The following PACSIN2 variants were observed in gnomAD, a reference collection of about 807,000 sequenced individuals.
PACSIN2 encodes the protein protein kinase C and casein kinase substrate in neurons protein 2.
PACSIN2 carries 25 observed loss-of-function variants against 63.8 expected under a neutral mutation model. The ratio of observed to expected loss-of-function variants is 0.39; its 90% CI spans 0.29 to 0.55. PACSIN2 has a LOEUF of 0.55. Ranked by LOEUF, PACSIN2 falls within the 20% of genes least tolerant of loss-of-function variation. The pLI is 0.62. For missense variants in PACSIN2, 518 were observed against 646.9 expected (o/e 0.80, Z 2.16); for synonymous variants, 255 against 256.2 (o/e 1.00, Z 0.05).
chr22:42,944,612 C>T (rs988417225), intron 1 of PACSIN2, among the ~76,000 whole-genome samples: 3 of 152,212 alleles, frequency 2.0e-5, no homozygotes, highest in South Asian at 2.1e-4. Context: ...ATGTTCATCA[C>T]TGCAATATTT....
chr22:42,922,064 C>A (rs1164990651), intron 1 of PACSIN2, among the ~76,000 whole-genome samples: 2 of 152,230 alleles, frequency 1.3e-5, no homozygotes, highest in Non-Finnish European at 2.9e-5. Flanking sequence ...TCTCAGGAAT[C>A]TGGGAATCCG....
chr22:42,876,955 T>G lies in PACSIN2; in HGVS notation c.1084A>C (p.Asn362His). 1 of 1,614,164 alleles carries G rather than the reference T, an allele frequency of 6.2e-7. No homozygotes were observed. The highest frequency in any genetic ancestry group is 8.5e-7 in the Non-Finnish European group (1 of 1,180,022). Residue 362 changes from asparagine (N) to histidine (H), a missense_variant, in exon 9 of 11, where the codon AAC becomes CAC. Around this residue, in one of 2 missense-constraint regions of PACSIN2, gnomAD observed 507 missense variants for 612.3 expected, o/e 0.83. Coordinates refer to ENST00000263246, the MANE Select transcript of PACSIN2 (RefSeq NM_001184970.3). ...AQSAQSQSSY[N>H]PFEDEDDTGS... is the part of the protein sequence containing the mutation. ...GTGTCGTCCTCATCCTCGAAGGGGT[T>G]GTAGCTGGACTGTGACTGCGCAGAC...
intron 7 of PACSIN2, among the ~76,000 whole-genome samples, chr22:42,880,303 A>G (rs1928974035): frequency 6.6e-6 from 1 of 152,236 alleles, no homozygotes; most frequent in Non-Finnish European, 1.5e-5. Context: ...CCGACCCCAA[A>G]TCTGGGTCAC....
At chr22:42,914,117 T>G (rs2146726754) in intron 1 of PACSIN2, among the ~76,000 whole-genome samples, 1 of 152,312 alleles carries the variant, frequency 6.6e-6, no homozygotes, top group South Asian at 2.1e-4. Flanking sequence ...CAGTGAGGGG[T>G]TCTCCCACAC....
intron 1 of PACSIN2, among the ~76,000 whole-genome samples, chr22:42,913,308 C>T (rs1278518890): frequency 6.6e-6 from 1 of 152,080 alleles, no homozygotes; most frequent in African/African-American, 2.4e-5. Context: ...GGAGAAACCC[C>T]GTCTCTACTA....
intron 1 of PACSIN2, among the ~76,000 whole-genome samples, chr22:42,956,546 C>T (rs1369278322): frequency 6.6e-6 from 1 of 152,174 alleles, no homozygotes; most frequent in African/African-American, 2.4e-5. Context: ...ATTACTATCT[C>T]ACCATACTGA....
chr22:42,927,639 G>C (rs1454277532), intron 1 of PACSIN2, among the ~76,000 whole-genome samples: 1 of 152,032 alleles, frequency 6.6e-6, no homozygotes, highest in Non-Finnish European at 1.5e-5. Flanking sequence ...CCAAGTTGGA[G>C]TGCAATGGCG....
At chr22:42,881,125 C>T (rs907252450) in intron 7 of PACSIN2, among the ~76,000 whole-genome samples, 2 of 152,114 alleles carry the variant, frequency 1.3e-5, no homozygotes, top group African/African-American at 2.4e-5. Context: ...GGGGAGTGCT[C>T]GGCAGCAGGG....
At chr22:42,981,808 AG>A in intron 1 of PACSIN2, among the ~76,000 whole-genome samples, 1 of 87,474 alleles carries the variant, frequency 1.1e-5, no homozygotes. Context: ...CCAGCCGCCC[AG>A]TCCGGGAGGG....
At chr22:42,974,732 C>T (rs1238106984) in intron 1 of PACSIN2, among the ~76,000 whole-genome samples, 4 of 125,994 alleles carry the variant, frequency 3.2e-5, no homozygotes, top group Non-Finnish European at 6.4e-5. Flanking sequence ...CTGGGCAACA[C>T]AGTGAGATCT....
intron 7 of PACSIN2, among the ~76,000 whole-genome samples, chr22:42,881,839 C>G (rs934023756): frequency 6.6e-6 from 1 of 152,056 alleles, no homozygotes; most frequent in Admixed American, 6.5e-5. Flanking sequence ...TCCTGGCCAT[C>G]CCACAGGGTG....
intron 1 of PACSIN2, among the ~76,000 whole-genome samples, chr22:42,917,416 G>A (rs1485342936): frequency 2.0e-5 from 3 of 152,056 alleles, no homozygotes; most frequent in Non-Finnish European, 4.4e-5. Context: ...AGACCAGCCT[G>A]GGCAACATAG....
At chr22:42,996,219 C>CA (rs35321753) in intron 1 of PACSIN2, among the ~76,000 whole-genome samples, 53,874 of 146,394 alleles carry the variant, frequency 0.37, 11,085 homozygotes, top group Non-Finnish European at 0.47. Flanking sequence ...GACTCCGTCT[C>CA]AAAAAAAAAA....
intron 1 of PACSIN2, among the ~76,000 whole-genome samples, chr22:42,914,717 T>C (rs776693360): frequency 2.6e-5 from 4 of 152,178 alleles, no homozygotes; most frequent in African/African-American, 7.2e-5. Context: ...TGGCCAGCCA[T>C]GGGAGCAGCT....
At chr22:42,932,988 C>T (rs1333959350) in intron 1 of PACSIN2, among the ~76,000 whole-genome samples, 4 of 152,236 alleles carry the variant, frequency 2.6e-5, no homozygotes, top group African/African-American at 7.2e-5. Context: ...CAATCAGTTA[C>T]GCAGCACTTT....
At chr22:42,918,974 A>G (rs1931987050) in intron 1 of PACSIN2, among the ~76,000 whole-genome samples, 1 of 152,162 alleles carries the variant, frequency 6.6e-6, no homozygotes, top group Non-Finnish European at 1.5e-5. Context: ...CAGGTAGGGC[A>G]TGTTTCCTGG....
intron 1 of PACSIN2, among the ~76,000 whole-genome samples, chr22:42,994,323 G>C (rs1019927531): frequency 6.6e-6 from 1 of 152,148 alleles, no homozygotes; most frequent in African/African-American, 2.4e-5. Context: ...GTGTCAGATA[G>C]GGAGGGACAA....
At chr22:42,908,843 C>T (rs1314211599) in intron 2 of PACSIN2, among the ~76,000 whole-genome samples, 1 of 152,154 alleles carries the variant, frequency 6.6e-6, no homozygotes, top group East Asian at 1.9e-4. Flanking sequence ...CAGCCACAGG[C>T]CTCCTCTGCT....
intron 1 of PACSIN2, among the ~76,000 whole-genome samples, chr22:42,928,762 A>G (rs5759043): frequency 0.2 from 30,631 of 152,194 alleles, 5,306 homozygotes; most frequent in East Asian, 0.73. Flanking sequence ...TAAACAAACA[A>G]AATCAATAAA....
Sources: gnomAD v4.1 joint callset for allele counts (sites outside exome capture counted in the v4.1 genomes callset) on GRCh38, gnomAD v4.1.1 for gene constraint, gnomAD v4.1.1 regional missense constraint, MANE v1.5 for transcripts, NCBI Gene and HGNC (gene_info 2026-07-23, HGNC 2026-07-21) for gene names.